The following TRDN variants were observed in gnomAD, a reference collection of about 807,000 sequenced individuals.
The protein encoded by TRDN is triadin.
TRDN carries 161 observed loss-of-function variants against 149.7 expected under a neutral mutation model. That is an observed-to-expected ratio of 1.08 (90% CI 0.95 to 1.23). The LOEUF is 1.23. Among genes scored for constraint, TRDN ranks in the 50% most tolerant of loss-of-function variants. The pLI, the probability that TRDN is intolerant of heterozygous loss-of-function variation, is 0.00. For missense variants in TRDN, 896 were observed against 823.5 expected, an observed-to-expected ratio of 1.09 and a Z score of -1.08; for synonymous variants, 294 against 250.5, an observed-to-expected ratio of 1.17 and a Z score of -1.64.
At chr6:123,530,655 CAA>C (rs1483075595) in intron 4 of TRDN, 90 bp from the exon 5 acceptor site, 1 of 790,374 alleles carries the variant, frequency 1.3e-6, no homozygotes, top group African/African-American at 1.8e-5. Flanking sequence ...AAACCTACCA[CAA>C]AGTTTAAATT....
chr6:123,477,477 T>C (rs1777544700), intron 9 of TRDN, among the ~76,000 whole-genome samples: 4 of 148,396 alleles, frequency 2.7e-5, no homozygotes, highest in African/African-American at 1.0e-4. Flanking sequence ...GTAAACTAGT[T>C]CAACCATTGT....
intron 18 of TRDN, 28 bp downstream of exon 18, chr6:123,377,688 G>C: frequency 1.2e-6 from 2 of 1,612,582 alleles, no homozygotes; most frequent in South Asian, 1.1e-5. Context: ...ATGAGTATTC[G>C]GAATCCAGCA....
chr6:123,465,582 CA>C (rs1223948612), intron 9 of TRDN, among the ~76,000 whole-genome samples: 812 of 65,560 alleles, frequency 0.012, 2 homozygotes, highest in South Asian at 0.042. Context: ...TTATGAACTG[CA>C]AAAAAAAAAA....
intron 39 of TRDN, among the ~76,000 whole-genome samples, chr6:123,223,376 C>G (rs1038463377): frequency 2.6e-5 from 4 of 151,734 alleles, no homozygotes; most frequent in African/African-American, 9.7e-5. Flanking sequence ...ATCTGTACAA[C>G]AAACCCCCAT....
intron 4 of TRDN, among the ~76,000 whole-genome samples, chr6:123,542,859 C>CGTGTGTGT (rs10678221): frequency 4.0e-4 from 59 of 147,098 alleles, no homozygotes; most frequent in African/African-American, 1.1e-3. Flanking sequence ...TGCATGTTTG[C>CGTGTGTGT]GTGTGTGTGT....
intron 12 of TRDN, among the ~76,000 whole-genome samples, chr6:123,427,040 A>G (rs1774152027): frequency 6.6e-6 from 1 of 151,966 alleles, no homozygotes; most frequent in East Asian, 1.9e-4. Flanking sequence ...TTCTACTGAG[A>G]TGTCTCAAGA....
chr6:123,345,807 A>C (rs9375248), intron 21 of TRDN, among the ~76,000 whole-genome samples: 28,057 of 151,890 alleles, frequency 0.18, 3,539 homozygotes, highest in East Asian at 0.63. Context: ...TTTGGTGCCA[A>C]TATAAGTGAT....
chr6:123,252,329 A>T, intron 38 of TRDN, 83 bp downstream of exon 38: 1 of 905,646 alleles, frequency 1.1e-6, no homozygotes, highest in South Asian at 1.9e-5. Flanking sequence ...AACACTTCAA[A>T]AATAAAAATA....
At chr6:123,363,903 CA>C (rs1284907944) in intron 20 of TRDN, among the ~76,000 whole-genome samples, 5 of 152,252 alleles carry the variant, frequency 3.3e-5, no homozygotes, top group Middle Eastern at 3.4e-3. Flanking sequence ...ATAGTGAACC[CA>C]AATGGAGGTA....
intron 24 of TRDN, among the ~76,000 whole-genome samples, chr6:123,298,175 C>G (rs1330131881): frequency 6.6e-6 from 1 of 151,896 alleles, no homozygotes; most frequent in Non-Finnish European, 1.5e-5. Flanking sequence ...GAAAGAAAAA[C>G]CGGGGATTGG....
In TRDN at chr6:123,256,481, T is replaced by C. The variant is rs147656373; in HGVS notation, c.1871-579A>G. Among the ~76,000 whole-genome samples, 319 of 152,244 alleles carry C rather than the reference T, an allele frequency of 2.1e-3. 1 individual carries two copies. The highest frequency in any genetic ancestry group is 7.4e-3 in the African/African-American group (309 of 41,544). On this transcript the variant is annotated intron_variant, in intron 35 of 40. Transcript: ENST00000334268. ...AAAGCATTCCTATATCTCCACATCA[T>C]CTCCAGCATCTGTTGTTTCCTGACT... is the stretch of plus-strand genomic sequence containing the variant.
chr6:123,553,765 T>G (rs1781513625), intron 2 of TRDN, among the ~76,000 whole-genome samples: 1 of 152,278 alleles, frequency 6.6e-6, no homozygotes, highest in Admixed American at 6.5e-5. Context: ...CTCAGGAGAC[T>G]TATTCACTAC....
At chr6:123,408,337 T>C (rs1394312503) in intron 12 of TRDN, among the ~76,000 whole-genome samples, 1 of 152,162 alleles carries the variant, frequency 6.6e-6, no homozygotes, top group Non-Finnish European at 1.5e-5. Flanking sequence ...TTTTCTAATA[T>C]AAAGTACAAA....
chr6:123,384,317 A>G (rs974241319), intron 14 of TRDN, among the ~76,000 whole-genome samples: 49 of 152,272 alleles, frequency 3.2e-4, no homozygotes, highest in African/African-American at 1.2e-3. Flanking sequence ...TGACTCCACT[A>G]TACTGAAATA....
chr6:123,315,990 A>C (rs1261609672), intron 24 of TRDN, among the ~76,000 whole-genome samples: 1 of 151,956 alleles, frequency 6.6e-6, no homozygotes, highest in Non-Finnish European at 1.5e-5. Context: ...AAAAGTGTTT[A>C]ATCTGTTAGG....
chr6:123,543,454 G>C (rs1583216676), intron 4 of TRDN, among the ~76,000 whole-genome samples: 1 of 152,126 alleles, frequency 6.6e-6, no homozygotes, highest in African/African-American at 2.4e-5. Context: ...TCCGAATTCT[G>C]TATTAGTGAT....
intron 28 of TRDN, 104 bp from the exon 29 acceptor site, chr6:123,273,115 T>C (rs1777258673): frequency 3.8e-6 from 3 of 782,746 alleles, no homozygotes; most frequent in Non-Finnish European, 5.8e-6. Flanking sequence ...TTCTGAAATC[T>C]TCATATCATC....
In TRDN at chr6:123,223,672, T is replaced by TCTTTCTTC. The variant is rs552763205; in HGVS notation, c.2014+420_2014+421insGAAGAAAG. On this transcript the variant is annotated intron_variant, in intron 39 of 40. Coordinates refer to ENST00000334268, the MANE Select transcript of TRDN (RefSeq NM_006073.4). ...CAGGGGTTGAGTCCAGCCTTCCATTTCTTCCTTCCTTCCTTCCTTCCTTCC... is the reference window on the plus strand; with the variant it reads ...CAGGGGTTGAGTCCAGCCTTCCATTTCTTTCTTCCTTCCTTCCTTCCTTCCTTCCTTCC... Among the ~76,000 whole-genome samples, 13 of 105,792 alleles carry TCTTTCTTC rather than the reference T, an allele frequency of 1.2e-4. 1 individual carries two copies. The East Asian group carries it at 2.0e-3, about 16-fold the overall frequency. The allele number at this position is 105,792 out of a possible 152,430, so 69.4% of individuals were successfully genotyped here. A position where few individuals can be genotyped will look rare whatever the true frequency, so the allele number is the denominator to read the frequency against.
intron 21 of TRDN, among the ~76,000 whole-genome samples, chr6:123,342,796 C>G (rs972230473): frequency 2.0e-5 from 3 of 151,988 alleles, no homozygotes; most frequent in Non-Finnish European, 4.4e-5. Flanking sequence ...TAAAAGTGAA[C>G]AGGGTGCCTA....
Sources: gnomAD v4.1 joint callset for allele counts (sites outside exome capture counted in the v4.1 genomes callset) on GRCh38, gnomAD v4.1.1 for gene constraint, MANE v1.5 for transcripts, NCBI Gene and HGNC (gene_info 2026-07-23, HGNC 2026-07-21) for gene names.